CCDC73: variants seen among roughly 807,000 people sequenced by gnomAD.
CCDC73 encodes coiled-coil domain-containing protein 73.
CCDC73 carries 95 observed loss-of-function variants against 116.5 expected under a neutral mutation model. The observed-to-expected ratio is 0.82, with a 90% CI of 0.69 to 0.97. The LOEUF (loss-of-function observed/expected upper bound fraction) is 0.97, where lower values mean the gene tolerates loss of function less well. Among genes scored for constraint, CCDC73 ranks in the 50% least tolerant of loss-of-function variants. The pLI is 0.00. For missense variants in CCDC73, 1,066 were observed against 1,206.8 expected (o/e 0.88, Z 1.73); for synonymous variants, 398 against 401.3 (o/e 0.99, Z 0.10).
At chr11:32,763,546 T>G (rs1261135531) in intron 1 of CCDC73, among the ~76,000 whole-genome samples, 2 of 152,180 alleles carry the variant, frequency 1.3e-5, no homozygotes, top group East Asian at 3.9e-4. Flanking sequence ...GACCTGCAGC[T>G]GAGGGTCCTG....
chr11:32,685,178 G>A (rs1176322593), intron 6 of CCDC73, among the ~76,000 whole-genome samples: 2 of 150,102 alleles, frequency 1.3e-5, no homozygotes, highest in Admixed American at 6.7e-5. Flanking sequence ...TTAATGGATG[G>A]GTTGTATATG....
At chr11:32,669,324 A>G (rs1187762837) in intron 9 of CCDC73, among the ~76,000 whole-genome samples, 2 of 152,126 alleles carry the variant, frequency 1.3e-5, no homozygotes, top group African/African-American at 2.4e-5. Context: ...GATTTTTTTA[A>G]TTTTTAATTT....
intron 3 of CCDC73, among the ~76,000 whole-genome samples, chr11:32,715,874 T>C (rs1849940628): frequency 6.6e-6 from 1 of 152,292 alleles, no homozygotes; most frequent in Non-Finnish European, 1.5e-5. Context: ...CAAACAACTA[T>C]TTATTCTCAA....
At chr11:32,719,260 A>G (rs1317134806) in intron 2 of CCDC73, among the ~76,000 whole-genome samples, 1 of 152,234 alleles carries the variant, frequency 6.6e-6, no homozygotes, top group Non-Finnish European at 1.5e-5. Context: ...AATAACAGGC[A>G]GAGTTGAAAA....
chr11:32,760,218 G>T lies in CCDC73; in HGVS notation c.26C>A (p.Ser9Ter). Residue 9 changes from serine to a stop codon, truncating the protein, a stop_gained, in exon 2 of 18, where the codon TCA becomes TAA. Transcript: ENST00000335185. LOFTEE classifies it high-confidence loss of function. Reference protein sequence around the residue: MESNFNTESSSTFTLQSSS... With the variant: MESNFNTE ...ACTTTGAAGAGTAAAAGTAGATGATGACTCAGTATTGAAGTTGCTTTCCAT... is the reference window on the plus strand; with the variant it reads ...ACTTTGAAGAGTAAAAGTAGATGATTACTCAGTATTGAAGTTGCTTTCCAT... 2 of 1,580,534 alleles carry T rather than the reference G, an allele frequency of 1.3e-6. No individual in the cohort carries two copies. The highest frequency in any genetic ancestry group is 1.1e-5 in the South Asian group (1 of 87,608).
At chr11:32,791,385 A>G (rs1850675534) in intron 1 of CCDC73, among the ~76,000 whole-genome samples, 1 of 152,248 alleles carries the variant, frequency 6.6e-6, no homozygotes, top group Admixed American at 6.5e-5. Flanking sequence ...TCCACAGTCA[A>G]ATAAATCTGG....
chr11:32,659,466 C>T (rs1855902348), intron 9 of CCDC73, among the ~76,000 whole-genome samples: 1 of 152,128 alleles, frequency 6.6e-6, no homozygotes, highest in Non-Finnish European at 1.5e-5. Context: ...TATCCCAAAA[C>T]TCTATCCTTA....
At chr11:32,790,644 A>G (rs1024605808) in intron 1 of CCDC73, among the ~76,000 whole-genome samples, 18 of 150,854 alleles carry the variant, frequency 1.2e-4, no homozygotes, top group Non-Finnish European at 2.5e-4. Flanking sequence ...TCATACTAAA[A>G]TCTTTACCAA....
chr11:32,653,848 T>C, intron 11 of CCDC73, 130 bp downstream of exon 11: 9 of 1,037,218 alleles, frequency 8.7e-6, no homozygotes, highest in Non-Finnish European at 1.2e-5. Context: ...TTTTAAAAAG[T>C]ATACACATGT....
intron 3 of CCDC73, among the ~76,000 whole-genome samples, chr11:32,714,104 C>T (rs1849924269): frequency 1.3e-5 from 2 of 152,014 alleles, no homozygotes; most frequent in Non-Finnish European, 2.9e-5. Context: ...CTGGGACTGT[C>T]ATTACAGAAC....
At chr11:32,636,355 A>T (rs1855677855) in intron 13 of CCDC73, among the ~76,000 whole-genome samples, 1 of 152,112 alleles carries the variant, frequency 6.6e-6, no homozygotes, top group Non-Finnish European at 1.5e-5. Context: ...CCACTAGATG[A>T]GTACTAAGCA....
At chr11:32,652,326 GAAAAA>G in intron 12 of CCDC73, among the ~76,000 whole-genome samples, 1 of 130,168 alleles carries the variant, frequency 7.7e-6, no homozygotes. Context: ...AAGAAAGAAA[GAAAAA>G]CAAAACAAAA....
chr11:32,768,333 G>T (rs1332146124), intron 1 of CCDC73, among the ~76,000 whole-genome samples: 2 of 152,196 alleles, frequency 1.3e-5, no homozygotes, highest in South Asian at 2.1e-4. Context: ...GGGGTTGGGG[G>T]AGTGGGCAGG....
intron 9 of CCDC73, among the ~76,000 whole-genome samples, chr11:32,655,910 T>C (rs1285942709): frequency 6.6e-6 from 1 of 152,192 alleles, no homozygotes; most frequent in Non-Finnish European, 1.5e-5. Context: ...TACCAACTTT[T>C]GAATTAGTGT....
intron 5 of CCDC73, among the ~76,000 whole-genome samples, chr11:32,700,443 T>C (rs1413787624): frequency 6.6e-6 from 1 of 152,198 alleles, no homozygotes; most frequent in Non-Finnish European, 1.5e-5. Flanking sequence ...AAAAACATCA[T>C]GGTTAATAGA....
At position 32,762,690 on chromosome 11, in the gene CCDC73, G is replaced by A. The variant is rs372890145; in HGVS notation, c.-15-2432C>T. Among the ~76,000 whole-genome samples the A allele has an allele frequency of 2.0e-4, 30 of 152,248 alleles. No homozygotes were observed. The South Asian group carries it at 4.8e-3, about 24-fold the overall frequency. ...GTCTACAGCTCCCAGCATGAGCGAC[G>A]CAGAAAACGGGTGATTTCTGCATTT... is the stretch of plus-strand genomic sequence containing the variant. On this transcript the variant is annotated intron_variant, in intron 1 of 17. Coordinates refer to ENST00000335185, the MANE Select transcript of CCDC73 (RefSeq NM_001008391.4).
rs370626627 is a variant in CCDC73 at position 32,614,487 on chromosome 11, G to A, written c.1831C>T (p.Arg611Ter). ...FKQFRLLPGT[R>*]EHALEKEITN... is the part of the protein sequence containing the mutation. The stretch of plus-strand genomic sequence containing the variant: ...ATTTCCTTCTCTAGAGCATGTTCTC[G>A]AGTCCCTGGAAGCAATCTGAATTGT... Residue 611 changes from arginine to a stop codon, truncating the protein, a stop_gained, in exon 16 of 18, where the codon CGA becomes TGA. Transcript: ENST00000335185. LOFTEE classifies it high-confidence loss of function. The A allele has an allele frequency of 4.3e-6, 7 of 1,613,076 alleles. No homozygotes were observed. The highest frequency in any genetic ancestry group is 1.6e-4 in the Middle Eastern group (1 of 6,078).
chr11:32,784,157 C>T (rs1347501542), intron 1 of CCDC73, among the ~76,000 whole-genome samples: 6 of 152,062 alleles, frequency 3.9e-5, no homozygotes, highest in Admixed American at 3.9e-4. Flanking sequence ...TGGAGAAACC[C>T]CGTCTCTACT....
At position 32,634,301 on chromosome 11, in the gene CCDC73, A is replaced by G. The variant is rs567621293; in HGVS notation, c.1185+1395T>C. Reference sequence around the variant, plus strand: ...CAATTTAAGTCCAGCCATATATAAAAAGGATAATATATAATGATCAACTCA... The same window carrying G: ...CAATTTAAGTCCAGCCATATATAAAGAGGATAATATATAATGATCAACTCA... On this transcript the variant is annotated intron_variant, in intron 14 of 17. Coordinates refer to ENST00000335185, the MANE Select transcript of CCDC73 (RefSeq NM_001008391.4). Among the ~76,000 whole-genome samples the G allele has an allele frequency of 2.1e-4, 32 of 152,328 alleles. No homozygotes were observed. In the South Asian group the frequency reaches 6.0e-3, roughly 29 times the overall value.
Sources: allele counts gnomAD v4.1 joint callset (sites outside exome capture counted in the v4.1 genomes callset), GRCh38; gene constraint gnomAD v4.1.1; transcripts MANE v1.5; gene names NCBI Gene and HGNC (gene_info 2026-07-23, HGNC 2026-07-21).